Variants in CHURC1 observed in about 807,000 individuals in gnomAD.
CHURC1 encodes churchill domain containing 1.
In CHURC1, 12 loss-of-function variants were observed where a neutral mutation model predicts 15.4. That is an observed-to-expected ratio of 0.78 (90% CI 0.50 to 1.27). The LOEUF (loss-of-function observed/expected upper bound fraction) is 1.27, where lower values mean the gene tolerates loss of function less well. Among genes scored for constraint, CHURC1 ranks in the 50% most tolerant of loss-of-function variants. The pLI, the probability that CHURC1 is intolerant of heterozygous loss-of-function variation, is 0.00. For synonymous variants in CHURC1, 42 were observed against 47.5 expected, an observed-to-expected ratio of 0.88 and a Z score of 0.48; for missense variants, 132 against 137.8, an observed-to-expected ratio of 0.96 and a Z score of 0.21.
Position 64,932,641 on chromosome 14 carries a change from TA to T in CHURC1, c.*423del, listed in dbSNP as rs56979488. 4.1e-3 allele frequency: 711 copies of T among 171,364 alleles called. No homozygotes were observed. The highest frequency in any genetic ancestry group is 7.3e-3 in the Non-Finnish European group (644 of 88,354). 10.6% of individuals were successfully genotyped at this position (171,364 alleles called of 1,614,324 possible). A position where few individuals can be genotyped will look rare whatever the true frequency, so the allele number is the denominator to read the frequency against. ...CCACAGAAAAATGAAGTACTGAAAT[TA>T]AAAAAAAAAAATCATAGTGATTGGG... is the stretch of plus-strand genomic sequence containing the variant. On this transcript the variant is annotated 3_prime_UTR_variant, in exon 4 of 4. Transcript: ENST00000549115.
chr14:64,916,728 C>A (rs527538393), intron 1 of CHURC1, among the ~76,000 whole-genome samples: 1 of 152,178 alleles, frequency 6.6e-6, no homozygotes, highest in Non-Finnish European at 1.5e-5. Flanking sequence ...CAGGTGCCCA[C>A]CACCATGCCC....
chr14:64,927,753 A>G (rs1884825351), intron 3 of CHURC1, among the ~76,000 whole-genome samples: 1 of 89,880 alleles, frequency 1.1e-5, no homozygotes, highest in South Asian at 4.2e-4. Flanking sequence ...TCCATACTCT[A>G]CCATCATATT....
rs748297128 is a variant in CHURC1, at chr14:64,932,183, A to G, written c.292A>G (p.Ile98Val). Residue 98 changes from isoleucine (I) to valine (V), a missense_variant, in exon 4 of 4, where the codon ATC becomes GTC. Ile to Val is a conservative substitution (Grantham distance 29). Coordinates refer to ENST00000549115, the MANE Select transcript of CHURC1 (RefSeq NM_001386928.1). Reference sequence around the variant, plus strand: ...GTTATGCGGCAAAGCCGAAGATACTATCAGTATTCTCCCTGATGACCCCCG... The same window carrying G: ...GTTATGCGGCAAAGCCGAAGATACTGTCAGTATTCTCCCTGATGACCCCCG... Reference protein sequence around the residue: ...CLLCGKAEDTISILPDDPRQM... With the variant: ...CLLCGKAEDTVSILPDDPRQM... 122 of 1,613,930 alleles carry G rather than the reference A, an allele frequency of 7.6e-5. No individual in the cohort carries two copies. The highest frequency in any genetic ancestry group is 9.7e-5 in the Non-Finnish European group (115 of 1,179,920).
intron 1 of CHURC1, among the ~76,000 whole-genome samples, chr14:64,917,282 T>A (rs567609786): frequency 2.0e-5 from 3 of 151,278 alleles, no homozygotes; most frequent in Non-Finnish European, 2.9e-5. Flanking sequence ...ATACAAATAG[T>A]CTGGGCACGG....
At chr14:64,917,386 A>G (rs1425331057) in intron 1 of CHURC1, among the ~76,000 whole-genome samples, 1 of 152,240 alleles carries the variant, frequency 6.6e-6, no homozygotes, top group Non-Finnish European at 1.5e-5. Flanking sequence ...AACATGGCGA[A>G]ACCCCGTCTC....
At chr14:64,927,419 T>G (rs561818301) in intron 3 of CHURC1, among the ~76,000 whole-genome samples, 30 of 152,278 alleles carry the variant, frequency 2.0e-4, no homozygotes, top group African/African-American at 7.0e-4. Context: ...AAAGGAGTGC[T>G]TATAGCTATT....
chr14:64,921,411 G>A (rs61987377), intron 1 of CHURC1, among the ~76,000 whole-genome samples: 5 of 152,024 alleles, frequency 3.3e-5, no homozygotes, highest in Non-Finnish European at 5.9e-5. Context: ...AATCAATGAC[G>A]GAGAAAATAT....
Position 64,914,544 on chromosome 14 carries a change from T to C in CHURC1, c.39+10T>C. 3.7e-6 allele frequency: 6 copies of C among 1,614,214 alleles called. No homozygotes were observed. Among genetic ancestry groups the C allele is most frequent in the Non-Finnish European group, 5.1e-6 (6 of 1,180,000 alleles). Reference sequence around the variant, plus strand: ...GGAATATCCCAACCGGGTGAGCGACTGGGCGCTCCCTTGGCCCGCGGGCGG... The same window carrying C: ...GGAATATCCCAACCGGGTGAGCGACCGGGCGCTCCCTTGGCCCGCGGGCGG... On this transcript the variant is annotated intron_variant, in intron 1 of 3. Transcript: ENST00000549115.
intron 3 of CHURC1, among the ~76,000 whole-genome samples, chr14:64,928,340 C>T (rs979763202): frequency 7.2e-5 from 11 of 152,192 alleles, no homozygotes; most frequent in African/African-American, 1.9e-4. Flanking sequence ...CTTGACCTCC[C>T]GTGCTCAGGC....
intron 1 of CHURC1, among the ~76,000 whole-genome samples, chr14:64,915,235 T>A (rs926554372): frequency 6.6e-6 from 1 of 152,224 alleles, no homozygotes; most frequent in African/African-American, 2.4e-5. Context: ...TGGGATCAAG[T>A]GATCCTCCCG....
intron 3 of CHURC1, chr14:64,930,770 A>T: frequency 2.3e-6 from 1 of 438,046 alleles, no homozygotes. Flanking sequence ...TTGACTCTTT[A>T]CTTTTTTCCT....
chr14:64,933,464 TC>T lies in CHURC1; in HGVS notation c.*1235del, dbSNP rs748259182. On this transcript the variant is annotated 3_prime_UTR_variant, in exon 4 of 4. Transcript: ENST00000549115. ...GAGGTTATAAACTGGCATTTAGGCC[TC>T]TCTGCCATTTAGTAGCAGTATAGTC... 26 of 985,476 alleles carry T rather than the reference TC, an allele frequency of 2.6e-5. No individual in the cohort carries two copies. Among genetic ancestry groups the T allele is most frequent in the Non-Finnish European group, 3.0e-5 (25 of 829,940 alleles). The allele number at this position is 985,476 out of a possible 1,614,324, so 61.0% of individuals were successfully genotyped here. A position where few individuals can be genotyped will look rare whatever the true frequency, so the allele number is the denominator to read the frequency against.
intron 3 of CHURC1, among the ~76,000 whole-genome samples, chr14:64,929,319 C>G (rs371930850): frequency 6.6e-6 from 1 of 152,112 alleles, no homozygotes; most frequent in Non-Finnish European, 1.5e-5. Context: ...CTCTTTCTGC[C>G]TGAACTCAAA....
intron 1 of CHURC1, among the ~76,000 whole-genome samples, chr14:64,919,993 C>T (rs1196368034): frequency 6.6e-6 from 1 of 151,710 alleles, no homozygotes; most frequent in Non-Finnish European, 1.5e-5. Flanking sequence ...TGAGAGAATA[C>T]AGTAGAGAAA....
intron 1 of CHURC1, among the ~76,000 whole-genome samples, chr14:64,916,039 T>C (rs1594886802): frequency 6.6e-6 from 1 of 152,120 alleles, no homozygotes; most frequent in African/African-American, 2.4e-5. Flanking sequence ...CAGCAATACA[T>C]GGGACAGCCA....
At chr14:64,929,855 A>T (rs1189615912) in intron 3 of CHURC1, among the ~76,000 whole-genome samples, 1 of 152,132 alleles carries the variant, frequency 6.6e-6, no homozygotes, top group Non-Finnish European at 1.5e-5. Context: ...GAAAGTGGAG[A>T]CAGAGGGACA....
At chr14:64,915,170 T>G (rs1883781417) in intron 1 of CHURC1, among the ~76,000 whole-genome samples, 1 of 152,232 alleles carries the variant, frequency 6.6e-6, no homozygotes, top group African/African-American at 2.4e-5. Flanking sequence ...AAAGGGATTA[T>G]TTCTCCTCTC....
chr14:64,924,372 A>G (rs192750572), intron 2 of CHURC1: 23 of 304,758 alleles, frequency 7.5e-5, no homozygotes, highest in African/African-American at 4.3e-4. Flanking sequence ...TTGTTTATCA[A>G]ATTATTTTTC....
chr14:64,927,051 C>T (rs566284617), intron 3 of CHURC1, among the ~76,000 whole-genome samples: 1 of 152,288 alleles, frequency 6.6e-6, no homozygotes, highest in Non-Finnish European at 1.5e-5. Context: ...GAGCTTTTAA[C>T]AGCCGAGAGA....
Sources: gnomAD v4.1 joint callset for allele counts (sites outside exome capture counted in the v4.1 genomes callset) on GRCh38, gnomAD v4.1.1 for gene constraint, MANE v1.5 for transcripts, NCBI Gene and HGNC (gene_info 2026-07-23, HGNC 2026-07-21) for gene names.